GBA1: variants seen among roughly 807,000 people sequenced by gnomAD.
The protein encoded by GBA1 is lysosomal acid glucosylceramidase.
the GBA1 span, chr1:155,244,530 C>CGTCAGAT: frequency 1.3e-5 from 2 of 152,232 alleles, no homozygotes; most frequent in African/African-American, 4.8e-5. Flanking sequence ...AACAGCAGCC[C>CGTCAGAT]CAACCGGAGG....
the GBA1 span, chr1:155,238,208 C>T: frequency 1.9e-5 from 30 of 1,614,004 alleles, no homozygotes; most frequent in African/African-American, 1.3e-4. Context: ...TCCCATTCAC[C>T]GCTCCATTGG....
chr1:155,241,343 G>A, the GBA1 span: 21 of 616,630 alleles, frequency 3.4e-5, no homozygotes, highest in East Asian at 4.7e-4. Flanking sequence ...AGGGCAATTG[G>A]CTTCCTCTCA....
chr1:155,241,014 T>C, the GBA1 span: 1 of 1,370,914 alleles, frequency 7.3e-7, no homozygotes, highest in Non-Finnish European at 1.0e-6. Context: ...AGAGAGTCTG[T>C]CATTCATTAA....
the GBA1 span, chr1:155,238,165 A>T: frequency 1.2e-6 from 2 of 1,614,200 alleles, no homozygotes; most frequent in Non-Finnish European, 1.7e-6. Context: ...GTCTGGTGGT[A>T]GATGTCTCCG....
the GBA1 span, chr1:155,238,950 G>A: frequency 9.9e-6 from 4 of 406,070 alleles, no homozygotes; most frequent in Non-Finnish European, 1.9e-5. Context: ...AAGTGTCAGT[G>A]GCTCACGCAT....
At chr1:155,240,701 A>G in the GBA1 span, 45 of 1,613,664 alleles carry the variant, frequency 2.8e-5, no homozygotes, top group South Asian at 3.5e-4. Flanking sequence ...TACCCTACTC[A>G]AAGGCTTGGG....
the GBA1 span, among the ~76,000 whole-genome samples, chr1:155,239,350 T>A: frequency 6.6e-6 from 1 of 152,232 alleles, no homozygotes; most frequent in East Asian, 1.9e-4. Context: ...GTCAACATGA[T>A]GAAACCCTGT....
chr1:155,239,023 C>T, the GBA1 span: 2 of 338,252 alleles, frequency 5.9e-6, no homozygotes, highest in Admixed American at 4.0e-5. Flanking sequence ...TCGCAATCAT[C>T]CTGGCCAACA....
At chr1:155,241,235 C>T in the GBA1 span, 5 of 894,306 alleles carry the variant, frequency 5.6e-6, no homozygotes, top group Non-Finnish European at 9.3e-6. Flanking sequence ...CTAGGTTAGC[C>T]CTGCAAGTAA....
the GBA1 span, chr1:155,240,089 G>A: frequency 6.2e-7 from 1 of 1,611,834 alleles, no homozygotes; most frequent in East Asian, 2.2e-5. Flanking sequence ...TGGGAGGGAG[G>A]GAGTACAAGC....
At chr1:155,237,677 G>C in the GBA1 span, 1 of 1,566,388 alleles carries the variant, frequency 6.4e-7, no homozygotes, top group Non-Finnish European at 8.7e-7. Context: ...TTGGGAAGCC[G>C]AGGCAGGTGG....
chr1:155,237,758 T>G, the GBA1 span, among the ~76,000 whole-genome samples: 1 of 151,660 alleles, frequency 6.6e-6, no homozygotes, highest in Non-Finnish European at 1.5e-5. Context: ...AAAAATCAGC[T>G]GGGCCTGGTG....
chr1:155,241,278 T>C, the GBA1 span: 62 of 688,924 alleles, frequency 9.0e-5, no homozygotes, highest in Non-Finnish European at 1.5e-4. Flanking sequence ...GGTCATGTGA[T>C]GACTAGGAGC....
At chr1:155,240,742 G>A in the GBA1 span, 2 of 1,594,858 alleles carry the variant, frequency 1.3e-6, no homozygotes, top group South Asian at 2.2e-5. Context: ...AGGAATGACT[G>A]AAAAGCAAGC....
At chr1:155,241,112 T>G in the GBA1 span, 1 of 1,613,932 alleles carries the variant, frequency 6.2e-7, no homozygotes, top group Non-Finnish European at 8.5e-7. Flanking sequence ...GAAAACTCCA[T>G]CCCCTCAGGG....
At chr1:155,235,586 C>T in the GBA1 span, 1 of 1,365,912 alleles carries the variant, frequency 7.3e-7, no homozygotes, top group Non-Finnish European at 1.0e-6. Context: ...ACCCTGAACA[C>T]CTTCCTGCTC....
the GBA1 span, chr1:155,235,052 G>A: frequency 9.3e-7 from 1 of 1,080,718 alleles, no homozygotes; most frequent in Non-Finnish European, 1.3e-6. Flanking sequence ...TTGTCTCCAG[G>A]AAGCCCACAG....
At chr1:155,240,045 A>G in the GBA1 span, 11 of 1,614,008 alleles carry the variant, frequency 6.8e-6, no homozygotes, top group East Asian at 2.5e-4. Context: ...ACCGAGCTGT[A>G]GCCGAAGCTT....
At chr1:155,240,188 G>A in the GBA1 span, 7 of 976,476 alleles carry the variant, frequency 7.2e-6, no homozygotes, top group South Asian at 8.7e-5. Context: ...CCTTGGCCGG[G>A]CGCAGGGGCT....
Sources: allele counts gnomAD v4.1 joint callset (sites outside exome capture counted in the v4.1 genomes callset), GRCh38; gene constraint gnomAD v4.1.1; transcripts MANE v1.5; gene names NCBI Gene and HGNC (gene_info 2026-07-23, HGNC 2026-07-21).